DOCK1: variants seen among roughly 807,000 people sequenced by gnomAD.
The protein encoded by DOCK1 is dedicator of cytokinesis protein 1.
Under a neutral mutation model 262.7 loss-of-function variants are expected in DOCK1, and 138 were observed. The observed-to-expected ratio is 0.53, with a 90% CI of 0.46 to 0.61. The LOEUF is 0.61. Ranked by LOEUF, DOCK1 falls within the 20% of genes least tolerant of loss-of-function variation. DOCK1 has a pLI of 0.00. For missense variants in DOCK1, 1,908 were observed against 2,370.7 expected, an observed-to-expected ratio of 0.80 and a Z score of 4.05; for synonymous variants, 866 against 867.4, an observed-to-expected ratio of 1.00 and a Z score of 0.03.
intron 27 of DOCK1, among the ~76,000 whole-genome samples, chr10:127,128,475 A>G (rs982108666): frequency 2.0e-5 from 3 of 151,682 alleles, no homozygotes; most frequent in African/African-American, 7.3e-5. Context: ...TGCACCTATC[A>G]ACCCATCATC....
At chr10:127,278,996 T>C (rs1364877671) in intron 29 of DOCK1, among the ~76,000 whole-genome samples, 2 of 152,356 alleles carry the variant, frequency 1.3e-5, no homozygotes, top group East Asian at 1.9e-4. Context: ...CACAGTGCCA[T>C]GAACAGTCTG....
intron 33 of DOCK1, among the ~76,000 whole-genome samples, chr10:127,371,981 A>G (rs990910557): frequency 1.3e-5 from 2 of 152,240 alleles, no homozygotes; most frequent in Admixed American, 6.5e-5. Flanking sequence ...TCCTTCTTCA[A>G]TAGAACCATC....
chr10:127,123,947 A>T (rs2489399), intron 25 of DOCK1, among the ~76,000 whole-genome samples: 114,690 of 152,184 alleles, frequency 0.75, 45,234 homozygotes, highest in South Asian at 0.89. Context: ...TTATTTTCCT[A>T]TATTAATTGG....
chr10:127,017,478 T>C (rs1019025908), intron 12 of DOCK1, among the ~76,000 whole-genome samples: 1 of 141,910 alleles, frequency 7.0e-6, no homozygotes, highest in South Asian at 2.4e-4. Context: ...CGCATACAGA[T>C]ACACAGACAC....
At chr10:127,234,339 G>T (rs1045872013) in intron 27 of DOCK1, among the ~76,000 whole-genome samples, 3 of 152,054 alleles carry the variant, frequency 2.0e-5, no homozygotes, top group African/African-American at 7.2e-5. Flanking sequence ...AGGTTCAATT[G>T]CAAAATGTAC....
intron 33 of DOCK1, among the ~76,000 whole-genome samples, chr10:127,371,596 C>G (rs2065212528): frequency 2.6e-5 from 4 of 152,210 alleles, no homozygotes; most frequent in Non-Finnish European, 5.9e-5. Context: ...GCACATTTCT[C>G]TGCATTCTCT....
intron 38 of DOCK1, among the ~76,000 whole-genome samples, chr10:127,401,117 C>G (rs1313970766): frequency 6.6e-6 from 1 of 152,094 alleles, no homozygotes; most frequent in Non-Finnish European, 1.5e-5. Context: ...GAGGACAGCT[C>G]TGACCCCCTG....
chr10:127,261,506 G>GGT (rs1398660422), intron 29 of DOCK1, among the ~76,000 whole-genome samples: 1 of 87,966 alleles, frequency 1.1e-5, no homozygotes. Flanking sequence ...TGTGCATGTG[G>GGT]GTGTGTGTGT....
At chr10:127,075,286 C>T (rs538761457) in intron 23 of DOCK1, among the ~76,000 whole-genome samples, 18 of 149,592 alleles carry the variant, frequency 1.2e-4, no homozygotes, top group East Asian at 4.0e-4. Flanking sequence ...ATTTGATTGA[C>T]GTACTGAGAC....
intron 29 of DOCK1, among the ~76,000 whole-genome samples, chr10:127,279,893 T>C (rs2060880600): frequency 6.6e-6 from 1 of 151,886 alleles, no homozygotes; most frequent in Non-Finnish European, 1.5e-5. Flanking sequence ...GGCGTTTTCT[T>C]AGTATCGCCA....
At chr10:126,983,226 G>C (rs1218094914) in intron 4 of DOCK1, among the ~76,000 whole-genome samples, 1 of 151,988 alleles carries the variant, frequency 6.6e-6, no homozygotes, top group African/African-American at 2.4e-5. Context: ...TGTTTTCCTG[G>C]CTCTATCTGT....
chr10:127,149,572 T>C (rs980121431), intron 27 of DOCK1, among the ~76,000 whole-genome samples: 1 of 152,198 alleles, frequency 6.6e-6, no homozygotes, highest in African/African-American at 2.4e-5. Flanking sequence ...CAGGCATTAC[T>C]GGAAACACGG....
At chr10:126,937,355 G>A (rs1271304702) in intron 1 of DOCK1, among the ~76,000 whole-genome samples, 2 of 152,212 alleles carry the variant, frequency 1.3e-5, no homozygotes, top group South Asian at 2.1e-4. Flanking sequence ...GTACCCAGAA[G>A]TGGAATTGGT....
intron 1 of DOCK1, among the ~76,000 whole-genome samples, chr10:126,909,956 A>G (rs1466845882): frequency 1.3e-5 from 2 of 152,326 alleles, no homozygotes; most frequent in East Asian, 3.9e-4. Flanking sequence ...TAGAAGTCAC[A>G]TTTGCTCAGT....
intron 4 of DOCK1, among the ~76,000 whole-genome samples, chr10:126,985,062 C>A (rs1815644): frequency 0.26 from 38,626 of 149,102 alleles, 5,516 homozygotes; most frequent in East Asian, 0.62. Flanking sequence ...CTCACTGCAA[C>A]CTCTGCCTCC....
At chr10:126,975,187 C>T (rs561968830) in intron 2 of DOCK1, among the ~76,000 whole-genome samples, 47 of 152,214 alleles carry the variant, frequency 3.1e-4, no homozygotes, top group South Asian at 1.2e-3. Context: ...TCCCTTTAGT[C>T]CATGGCTCTA....
At position 126,905,508 on chromosome 10, in the gene DOCK1, C is replaced by G. The variant is rs780504348; in HGVS notation, c.-10C>G. On this transcript the variant is annotated 5_prime_UTR_variant, in exon 1 of 52. Coordinates refer to ENST00000623213, the MANE Select transcript of DOCK1 (RefSeq NM_001290223.2). ...TTTCCTGCCCGACCCGCGGCGGCTC[C>G]GGCGGCGCCATGACGCGCTGGGTGC... 4 of 530,714 alleles carry G rather than the reference C, an allele frequency of 7.5e-6. No individual in the cohort carries two copies. Among genetic ancestry groups the G allele is most frequent in the Admixed American group, 5.9e-5 (2 of 34,110 alleles). The allele number at this position is 530,714 out of a possible 1,614,324, so 32.9% of individuals were successfully genotyped here.
chr10:127,407,681 G>A (rs898417995), intron 40 of DOCK1, among the ~76,000 whole-genome samples: 2 of 152,086 alleles, frequency 1.3e-5, no homozygotes, highest in African/African-American at 4.8e-5. Flanking sequence ...GTCTCTGTTC[G>A]TCTCCCTCTC....
intron 21 of DOCK1, among the ~76,000 whole-genome samples, chr10:127,046,274 C>T (rs769593139): frequency 2.0e-5 from 3 of 152,160 alleles, no homozygotes; most frequent in Non-Finnish European, 4.4e-5. Flanking sequence ...GCACCACCCG[C>T]AGAGGCCTAT....
Sources: gnomAD v4.1 joint callset for allele counts (sites outside exome capture counted in the v4.1 genomes callset) on GRCh38, gnomAD v4.1.1 for gene constraint, MANE v1.5 for transcripts, NCBI Gene and HGNC (gene_info 2026-07-23, HGNC 2026-07-21) for gene names.